Variants in PDZD7 observed in about 807,000 individuals in gnomAD.
PDZD7 encodes the protein PDZ domain containing 7.
Under a neutral mutation model 84.7 loss-of-function variants are expected in PDZD7, and 72 were observed. The ratio of observed to expected loss-of-function variants is 0.85; its 90% CI spans 0.70 to 1.03. The LOEUF is 1.03. Among genes scored for constraint, PDZD7 ranks in the 50% least tolerant of loss-of-function variants. The pLI is 0.00. For synonymous variants in PDZD7, 594 were observed against 580.7 expected, an observed-to-expected ratio of 1.02 and a Z score of -0.33; for missense variants, 1,490 against 1,412.9, an observed-to-expected ratio of 1.05 and a Z score of -0.87.
chr10:101,021,971 A>G, intron 5 of PDZD7, 26 bp from the exon 6 acceptor site: 2 of 1,613,600 alleles, frequency 1.2e-6, no homozygotes, highest in South Asian at 1.1e-5. Context: ...CGTCAGTCTG[A>G]TAGGCCCCTG....
In PDZD7 at chr10:101,011,758, C is replaced by T. The variant is rs764533451; in HGVS notation, c.1937G>A (p.Arg646Gln). The T allele has an allele frequency of 1.1e-5, 17 of 1,549,304 alleles. No homozygotes were observed. The South Asian group carries it at 1.7e-4, about 15-fold the overall frequency. The change falls in exon 14 of 17, where the codon CGG (arginine) becomes CAG (glutamine). Residue 646 changes from arginine (R) to glutamine (Q), a missense_variant. Arg to Gln is a conservative substitution (Grantham distance 43). Coordinates refer to ENST00000619208, the MANE Select transcript of PDZD7 (RefSeq NM_001195263.2). ...AFEALKSRAV[R>Q]PPALRPARQD... ...CCGGGCTGGTCTCAAAGCAGGAGGC[C>T]GGACTGGTTGGAGAGATGAACAGGT... is the stretch of plus-strand genomic sequence containing the variant.
At chr10:101,025,846 C>A (rs1937666742) in intron 2 of PDZD7, among the ~76,000 whole-genome samples, 1 of 152,090 alleles carries the variant, frequency 6.6e-6, no homozygotes, top group South Asian at 2.1e-4. Flanking sequence ...CACACCCGGC[C>A]AATGGAAGAG....
rs185738005 is a variant in PDZD7, at chr10:101,011,167, G to A, written c.2006-284C>T. 4.5e-3 allele frequency: 3,727 copies of A among 830,806 alleles called. 24 individuals are homozygous for A. Among genetic ancestry groups the A allele is most frequent in the Admixed American group, 5.4e-3 (159 of 29,402 alleles). 51.5% of individuals were successfully genotyped at this position (830,806 alleles called of 1,614,324 possible). A position where few individuals can be genotyped will look rare whatever the true frequency, so the allele number is the denominator to read the frequency against. ...GCGAGTCTCCTGCCTCAGCCTCCCGGAGTAGCTGGGATTACAGGCGTGCAC... is the reference window on the plus strand; with the variant it reads ...GCGAGTCTCCTGCCTCAGCCTCCCGAAGTAGCTGGGATTACAGGCGTGCAC... On this transcript the variant is annotated intron_variant, in intron 14 of 16. Coordinates refer to ENST00000619208, the MANE Select transcript of PDZD7 (RefSeq NM_001195263.2).
chr10:101,030,347 C>G lies in PDZD7; in HGVS notation c.-128G>C. The G allele has an allele frequency of 1.2e-6, 1 of 810,928 alleles. No individual in the cohort carries two copies. The highest frequency in any genetic ancestry group is 2.1e-6 in the Non-Finnish European group (1 of 484,756). 50.2% of individuals were successfully genotyped at this position (810,928 alleles called of 1,614,324 possible). A position where few individuals can be genotyped will look rare whatever the true frequency, so the allele number is the denominator to read the frequency against. ...CTGGGGTCTCAGTAACGTGAAGGCC[C>G]TCGCTTGCGATGCCTCTCAGAAGTG... On this transcript the variant is annotated 5_prime_UTR_variant, in exon 2 of 17. Transcript: ENST00000619208.
rs1427054638 is a variant in PDZD7, at chr10:101,017,847, G to GAA, written c.1522+250_1522+251dup. 18 of 309,308 alleles carry GAA rather than the reference G, an allele frequency of 5.8e-5. No individual in the cohort carries two copies. In the African/African-American group the frequency reaches 8.7e-4, roughly 15 times the overall value. The allele number at this position is 309,308 out of a possible 1,614,324, so 19.2% of individuals were successfully genotyped here. A position where few individuals can be genotyped will look rare whatever the true frequency, so the allele number is the denominator to read the frequency against. ...GAAAGGAAGGAAGGAAGGAAAGAAA[G>GAA]AAAGAAAGAAAGAAAGAAAGAAAGA... On this transcript the variant is annotated intron_variant, in intron 9 of 16. Transcript: ENST00000619208.
intron 10 of PDZD7, among the ~76,000 whole-genome samples, chr10:101,016,125 C>G (rs145844986): frequency 9.7e-4 from 148 of 152,304 alleles, no homozygotes; most frequent in African/African-American, 3.4e-3. Flanking sequence ...CTCATCACCC[C>G]CAAATATATC....
In PDZD7 at chr10:101,012,020, G is replaced by C. The variant is rs997312933; in HGVS notation, c.1842-4C>G. On this transcript the variant is annotated splice_polypyrimidine_tract_variant and splice_region_variant and intron_variant, in intron 12 of 16. Coordinates refer to ENST00000619208, the MANE Select transcript of PDZD7 (RefSeq NM_001195263.2). ...GTCTGTGGGGGCCACCACACTCCTGGGAGAGGGCGAGAGACAGCAGGGGTG... is the reference window on the plus strand; with the variant it reads ...GTCTGTGGGGGCCACCACACTCCTGCGAGAGGGCGAGAGACAGCAGGGGTG... The C allele has an allele frequency of 3.2e-6, 5 of 1,549,770 alleles. No individual in the cohort carries two copies. Among genetic ancestry groups the C allele is most frequent in the Non-Finnish European group, 4.4e-6 (5 of 1,146,448 alleles).
chr10:101,020,734 G>T, intron 6 of PDZD7, 56 bp from the exon 7 acceptor site: 2 of 1,326,178 alleles, frequency 1.5e-6, no homozygotes, highest in Non-Finnish European at 2.2e-6. Flanking sequence ...GAGGGAGAGT[G>T]AGAATGGGGC....
chr10:101,011,697 G>C lies in PDZD7; in HGVS notation c.1998C>G (p.Pro666=). The part of the protein sequence containing the change: ...DTPPKRHLIT[P]VPDSRGGFYL... ...TCTGGGACTCTGACTGACCAGGCAC[G>C]GGGGTGATAAGGTGACGCTTGGGTG... The change falls in exon 14 of 17, where the codon CCC becomes CCG. Residue 666 remains proline, a synonymous_variant. Transcript: ENST00000619208. 1.3e-6 allele frequency: 2 copies of C among 1,539,246 alleles called. No individual in the cohort carries two copies. The highest frequency in any genetic ancestry group is 1.7e-6 in the Non-Finnish European group (2 of 1,146,786).
intron 2 of PDZD7, 33 bp downstream of exon 2, chr10:101,029,961 C>T: frequency 6.6e-7 from 1 of 1,517,912 alleles, no homozygotes; most frequent in Non-Finnish European, 9.1e-7. Context: ...CCACCCTCCC[C>T]AACCCAGGCC....
chr10:101,027,509 G>A (rs565849878), intron 2 of PDZD7, among the ~76,000 whole-genome samples: 28 of 152,266 alleles, frequency 1.8e-4, no homozygotes, highest in African/African-American at 4.6e-4. Flanking sequence ...GATCAGCAGC[G>A]TCAGTGTCAT....
chr10:101,009,843 G>C (rs1359467970), intron 15 of PDZD7, among the ~76,000 whole-genome samples: 2 of 152,048 alleles, frequency 1.3e-5, no homozygotes, highest in Non-Finnish European at 2.9e-5. Flanking sequence ...CTGACCTCAG[G>C]TGATCCACCC....
intron 2 of PDZD7, among the ~76,000 whole-genome samples, chr10:101,026,693 A>ACC (rs1937726099): frequency 1.3e-5 from 2 of 151,310 alleles, no homozygotes; most frequent in Non-Finnish European, 3.0e-5. Flanking sequence ...ACACACACAC[A>ACC]CACACACACA....
chr10:101,023,302 T>G, intron 4 of PDZD7, 134 bp downstream of exon 4: 1 of 1,062,600 alleles, frequency 9.4e-7, no homozygotes, highest in Non-Finnish European at 1.4e-6. Flanking sequence ...AGGTCAGGCC[T>G]TTGGATCCCC....
chr10:101,016,866 CA>C (rs1210309416), intron 9 of PDZD7, among the ~76,000 whole-genome samples: 1 of 152,024 alleles, frequency 6.6e-6, no homozygotes, highest in Non-Finnish European at 1.5e-5. Context: ...GGAGAGGGGC[CA>C]GGCAGCCGTA....
intron 9 of PDZD7, among the ~76,000 whole-genome samples, chr10:101,017,116 C>T (rs933666400): frequency 6.6e-6 from 1 of 152,148 alleles, no homozygotes; most frequent in Non-Finnish European, 1.5e-5. Context: ...CACTTTCCCT[C>T]CCACATCACA....
intron 7 of PDZD7, among the ~76,000 whole-genome samples, chr10:101,019,542 G>GCCTCCTCCTCCTCCACCT (rs1852935146): frequency 1.1e-5 from 1 of 89,240 alleles, no homozygotes; most frequent in Non-Finnish European, 2.9e-5. Context: ...TTCTGCTTCT[G>GCCTCCTCCTCCTCCACCT]CCTCCTCCTC....
chr10:101,015,915 A>T, intron 10 of PDZD7, 104 bp from the exon 11 acceptor site: 1 of 1,284,310 alleles, frequency 7.8e-7, no homozygotes, highest in South Asian at 1.5e-5. Context: ...GCAGAATCCT[A>T]GCCTAGCCTA....
At chr10:101,019,641 T>C (rs1852962134) in intron 7 of PDZD7, among the ~76,000 whole-genome samples, 1 of 150,058 alleles carries the variant, frequency 6.7e-6, no homozygotes, top group Non-Finnish European at 1.5e-5. Context: ...CTTTTTTTTT[T>C]CTTTGAGACA....
Sources: allele counts gnomAD v4.1 joint callset (sites outside exome capture counted in the v4.1 genomes callset), GRCh38; gene constraint gnomAD v4.1.1; transcripts MANE v1.5; gene names NCBI Gene and HGNC (gene_info 2026-07-23, HGNC 2026-07-21).